TBC1D9: variants seen among roughly 807,000 people sequenced by gnomAD.
The protein encoded by TBC1D9 is TBC1 domain family member 9A.
TBC1D9 carries 63 observed loss-of-function variants against 132.0 expected under a neutral mutation model. That is an observed-to-expected ratio of 0.48 (90% CI 0.39 to 0.59). The LOEUF is 0.59. TBC1D9 is among the 20% of genes least tolerant of loss of function. The pLI, the probability that TBC1D9 is intolerant of heterozygous loss-of-function variation, is 0.00. For missense variants in TBC1D9, 1,261 were observed against 1,592.7 expected (o/e 0.79, Z 3.54); for synonymous variants, 610 against 609.9 (o/e 1.00, Z 0.00).
chr4:140,727,045 T>G (rs1350047666), intron 1 of TBC1D9, among the ~76,000 whole-genome samples: 1 of 152,092 alleles, frequency 6.6e-6, no homozygotes, highest in African/African-American at 2.4e-5. Context: ...CAAATAAACT[T>G]GTATCAAGGT....
At chr4:140,685,218 T>C (rs140766862) in intron 3 of TBC1D9, among the ~76,000 whole-genome samples, 67 of 152,324 alleles carry the variant, frequency 4.4e-4, no homozygotes, top group African/African-American at 1.5e-3. Flanking sequence ...GGCCTGAAAA[T>C]GTTTTCTTAC....
At chr4:140,640,330 G>A (rs1472966124) in intron 13 of TBC1D9, among the ~76,000 whole-genome samples, 2 of 152,028 alleles carry the variant, frequency 1.3e-5, no homozygotes, top group Admixed American at 6.6e-5. Context: ...TGTGTGAAAA[G>A]GTGGGGAAGA....
chr4:140,656,664 G>A (rs1410566538), intron 13 of TBC1D9, among the ~76,000 whole-genome samples: 1 of 152,182 alleles, frequency 6.6e-6, no homozygotes, highest in Non-Finnish European at 1.5e-5. Flanking sequence ...GTACTTTCAT[G>A]CTTTCCTTAA....
chr4:140,666,680 G>T (rs1443477612), intron 9 of TBC1D9, among the ~76,000 whole-genome samples: 1 of 151,646 alleles, frequency 6.6e-6, no homozygotes, highest in Non-Finnish European at 1.5e-5. Context: ...GGGTGTTTTG[G>T]GGGGATGAAA....
At chr4:140,631,681 C>T (rs758500232) in intron 16 of TBC1D9, among the ~76,000 whole-genome samples, 4 of 151,458 alleles carry the variant, frequency 2.6e-5, no homozygotes, top group Non-Finnish European at 1.5e-5. Context: ...ACTGCAATCT[C>T]TGCCTCCTGG....
At chr4:140,639,011 A>G (rs1736921728) in intron 15 of TBC1D9, 75 bp downstream of exon 15, 10 of 1,096,046 alleles carry the variant, frequency 9.1e-6, no homozygotes, top group Non-Finnish European at 1.3e-5. Flanking sequence ...TAACAGAAAA[A>G]TCAAGAACTA....
At chr4:140,689,068 C>G (rs1313464708) in intron 2 of TBC1D9, among the ~76,000 whole-genome samples, 1 of 152,072 alleles carries the variant, frequency 6.6e-6, no homozygotes, top group Non-Finnish European at 1.5e-5. Context: ...CACCTCAGGA[C>G]AGAGGTACTC....
At chr4:140,746,580 C>T (rs1452421003) in intron 1 of TBC1D9, among the ~76,000 whole-genome samples, 3 of 152,148 alleles carry the variant, frequency 2.0e-5, no homozygotes, top group Non-Finnish European at 4.4e-5. Flanking sequence ...ACTCACAGTT[C>T]CACATGGCTG....
chr4:140,750,018 G>C (rs914626241), intron 1 of TBC1D9, among the ~76,000 whole-genome samples: 2 of 151,688 alleles, frequency 1.3e-5, no homozygotes, highest in African/African-American at 4.8e-5. Context: ...AAAATCACTA[G>C]TACATTGATA....
At chr4:140,644,214 TG>T in intron 13 of TBC1D9, 1 of 335,990 alleles carries the variant, frequency 3.0e-6, no homozygotes, top group East Asian at 7.2e-5. Flanking sequence ...GAACAAGGCC[TG>T]GAAAGTGCTG....
At chr4:140,680,008 G>A (rs758083760) in intron 3 of TBC1D9, among the ~76,000 whole-genome samples, 165 bp from the exon 4 acceptor site, 1 of 151,808 alleles carries the variant, frequency 6.6e-6, no homozygotes, top group Non-Finnish European at 1.5e-5. Flanking sequence ...TAGTATTTGT[G>A]TACTAAAATA....
chr4:140,667,107 G>A (rs1184416547), intron 9 of TBC1D9, among the ~76,000 whole-genome samples: 1 of 152,228 alleles, frequency 6.6e-6, no homozygotes, highest in African/African-American at 2.4e-5. Flanking sequence ...GTCACAGGAA[G>A]CAGGTGAGAC....
At chr4:140,717,275 T>C (rs1352224687) in intron 1 of TBC1D9, among the ~76,000 whole-genome samples, 2 of 151,910 alleles carry the variant, frequency 1.3e-5, no homozygotes, top group Non-Finnish European at 2.9e-5. Context: ...GGAGCCGGAG[T>C]TGGGAGAGGG....
intron 1 of TBC1D9, among the ~76,000 whole-genome samples, chr4:140,750,359 A>G (rs544671374): frequency 2.0e-5 from 3 of 152,196 alleles, no homozygotes; most frequent in South Asian, 4.1e-4. Flanking sequence ...AACTGTAAAT[A>G]TTAGCAGATG....
At chr4:140,730,233 G>A (rs983456665) in intron 1 of TBC1D9, among the ~76,000 whole-genome samples, 13 of 152,154 alleles carry the variant, frequency 8.5e-5, no homozygotes, top group African/African-American at 3.1e-4. Flanking sequence ...TTCCTCATCA[G>A]GCCACTGTAA....
At chr4:140,696,925 A>T (rs17006360) in intron 2 of TBC1D9, among the ~76,000 whole-genome samples, 9,127 of 152,256 alleles carry the variant, frequency 0.06, 907 homozygotes, top group African/African-American at 0.21. Context: ...TTCCTATGCC[A>T]TACTAACTTT....
At chr4:140,625,041 A>G (rs554870218) in intron 18 of TBC1D9, among the ~76,000 whole-genome samples, 1 of 142,240 alleles carries the variant, frequency 7.0e-6, no homozygotes, top group Admixed American at 7.4e-5. Flanking sequence ...AACTAGAGCA[A>G]AACTCCATCT....
At chr4:140,699,851 A>C (rs1738036346) in intron 2 of TBC1D9, among the ~76,000 whole-genome samples, 2 of 152,248 alleles carry the variant, frequency 1.3e-5, no homozygotes, top group South Asian at 4.1e-4. Flanking sequence ...GAAACTCTGC[A>C]TGGGGGGTGG....
chr4:140,643,262 C>T (rs1737038935), intron 13 of TBC1D9: 1 of 1,303,672 alleles, frequency 7.7e-7, no homozygotes, highest in Admixed American at 2.0e-5. Context: ...GCTCTGCGAT[C>T]TCGCTCAGCA....
Sources: gnomAD v4.1 joint callset for allele counts (sites outside exome capture counted in the v4.1 genomes callset) on GRCh38, gnomAD v4.1.1 for gene constraint, MANE v1.5 for transcripts, NCBI Gene and HGNC (gene_info 2026-07-23, HGNC 2026-07-21) for gene names.